Variants in PCDHGA7 observed in about 807,000 individuals in gnomAD.
PCDHGA7 encodes the protein protocadherin gamma-A7.
In PCDHGA7, 44 loss-of-function variants were observed where a neutral mutation model predicts 58.3. The observed-to-expected ratio is 0.75, with a 90% confidence interval of 0.59 to 0.97. The LOEUF (loss-of-function observed/expected upper bound fraction) is 0.97. Ranked by LOEUF, PCDHGA7 falls within the 50% of genes least tolerant of loss-of-function variation. The pLI is 0.00. For synonymous variants in PCDHGA7, 516 were observed against 504.2 expected (o/e 1.02, Z -0.31); for missense variants, 1,266 against 1,188.7 (o/e 1.06, Z -0.96).
At chr5:141,405,186 G>T (rs762537440) in intron 1 of PCDHGA7, 2 of 1,612,892 alleles carry the variant, frequency 1.2e-6, no homozygotes, top group Non-Finnish European at 1.7e-6. Context: ...GGTGTAGATG[G>T]GGTTCGAGCT....
At chr5:141,482,761 ATT>A (rs2099571906) in intron 1 of PCDHGA7, among the ~76,000 whole-genome samples, 1 of 127,370 alleles carries the variant, frequency 7.9e-6, no homozygotes, top group Admixed American at 7.7e-5. Flanking sequence ...ATGGTATTTC[ATT>A]ATCACTGAAC....
intron 2 of PCDHGA7, among the ~76,000 whole-genome samples, chr5:141,504,059 T>C (rs1179226175): frequency 6.6e-6 from 1 of 152,184 alleles, no homozygotes; most frequent in Admixed American, 6.6e-5. Flanking sequence ...ATTGAAAAAC[T>C]TCTCTGAGCC....
intron 1 of PCDHGA7, chr5:141,393,663 AT>A (rs1334579066): frequency 6.2e-7 from 1 of 1,613,820 alleles, no homozygotes; most frequent in East Asian, 2.2e-5. Flanking sequence ...ATTCCGGAAA[AT>A]TAATGAAAAA....
chr5:141,415,819 T>C, intron 1 of PCDHGA7: 1 of 1,328,322 alleles, frequency 7.5e-7, no homozygotes, highest in Admixed American at 3.5e-5. Context: ...CTATATATCA[T>C]AAGGCTTTGT....
chr5:141,383,710 G>C lies in PCDHGA7; in HGVS notation c.811G>C (p.Glu271Gln), dbSNP rs1388027066. ...LLTVHAIDLDEGVNGEVTYSF... is the reference protein window; with the variant it reads ...LLTVHAIDLDQGVNGEVTYSF... ...CACGGTACATGCTATCGACCTGGAC[G>C]AGGGAGTCAATGGGGAAGTGACATA... Residue 271 changes from glutamate (E) to glutamine (Q), a missense_variant, in exon 1 of 4, where the codon GAG (glutamate) becomes CAG (glutamine). Glu to Gln is a conservative substitution (Grantham distance 29, BLOSUM62 2). Coordinates refer to ENST00000518325, the MANE Select transcript of PCDHGA7 (RefSeq NM_018920.4). 1 of 1,613,992 alleles carries C rather than the reference G, an allele frequency of 6.2e-7. No homozygotes were observed.
In PCDHGA7 at chr5:141,432,167, T is replaced by G. The variant is rs559707772; in HGVS notation, c.2424+46844T>G. The G allele has an allele frequency of 1.4e-5, 22 of 1,613,962 alleles. No homozygotes were observed. The highest frequency in any genetic ancestry group is 9.3e-5 in the African/African-American group (7 of 74,972). On this transcript the variant is annotated intron_variant, in intron 1 of 3. Coordinates refer to ENST00000518325, the MANE Select transcript of PCDHGA7 (RefSeq NM_018920.4). The surrounding 1 kb of genome is among the most constrained non-coding windows in gnomAD (Gnocchi z 6.0). Reference sequence around the variant, plus strand: ...CCCAGAGAACAATCCCAGAGGAGTTTCCCTCGTCTCTGTGACCGCCCACGA... The same window carrying G: ...CCCAGAGAACAATCCCAGAGGAGTTGCCCTCGTCTCTGTGACCGCCCACGA...
At chr5:141,398,343 G>A (rs1393305647) in intron 1 of PCDHGA7, 6 of 1,380,544 alleles carry the variant, frequency 4.3e-6, no homozygotes, top group Non-Finnish European at 6.0e-6. Context: ...GTTCGGAGAA[G>A]CCTTACTTCA....
intron 1 of PCDHGA7, chr5:141,422,314 C>T: frequency 6.5e-7 from 1 of 1,547,838 alleles, no homozygotes; most frequent in Non-Finnish European, 8.7e-7. Context: ...AAACTCTCCT[C>T]CAGGTACAGT....
chr5:141,422,677 C>G, intron 1 of PCDHGA7: 1 of 1,606,186 alleles, frequency 6.2e-7, no homozygotes, highest in Non-Finnish European at 8.5e-7. Context: ...GGACAGCAAA[C>G]AGAATGCCCT....
intron 1 of PCDHGA7, among the ~76,000 whole-genome samples, chr5:141,459,324 T>G (rs2098966238): frequency 6.6e-6 from 1 of 152,226 alleles, no homozygotes; most frequent in African/African-American, 2.4e-5. Flanking sequence ...ATCCATCTTC[T>G]TTTACTCCAA....
rs186638311 is a variant in PCDHGA7, at chr5:141,492,901, T to C, written c.2425-1906T>C. 3.7e-3 allele frequency among the ~76,000 whole-genome samples: 568 copies of C among 152,326 alleles called. 5 individuals carry two copies. The highest frequency in any genetic ancestry group is 0.011 in the Admixed American group (163 of 15,308). On this transcript the variant is annotated intron_variant, in intron 1 of 3. Coordinates refer to ENST00000518325, the MANE Select transcript of PCDHGA7 (RefSeq NM_018920.4). ...GAGATACAGGCTTTTGGCGCCGTCG[T>C]GATCACAATGTGCCCAGCGATCTAG...
In PCDHGA7 at chr5:141,486,421, G is replaced by C; in HGVS notation, c.2425-8386G>C. 1 of 1,614,152 alleles carries C rather than the reference G, an allele frequency of 6.2e-7. No individual in the cohort carries two copies. Among genetic ancestry groups the C allele is most frequent in the African/African-American group, 1.3e-5 (1 of 75,028 alleles). On this transcript the variant is annotated intron_variant, in intron 1 of 3. Coordinates refer to ENST00000518325, the MANE Select transcript of PCDHGA7 (RefSeq NM_018920.4). This position sits in a 1 kb window ranked among gnomAD's most constrained non-coding sequence, Gnocchi z 5.0. Reference sequence around the variant, plus strand: ...TGACTGCTGGACCCTTGGATCGAGAGGCCAAATCTAGCTATGACATCATGG... The same window carrying C: ...TGACTGCTGGACCCTTGGATCGAGACGCCAAATCTAGCTATGACATCATGG...
At chr5:141,407,622 A>G (rs2094961891) in intron 1 of PCDHGA7, among the ~76,000 whole-genome samples, 3 of 152,316 alleles carry the variant, frequency 2.0e-5, no homozygotes, top group South Asian at 2.1e-4. Context: ...TTGACATTCT[A>G]TATCTCGTAT....
At chr5:141,389,463 GA>G in intron 1 of PCDHGA7, 1 of 1,613,310 alleles carries the variant, frequency 6.2e-7, no homozygotes, top group Non-Finnish European at 8.5e-7. Context: ...GCGCGCCTTC[GA>G]ACTCACACTG....
intron 1 of PCDHGA7, chr5:141,394,519 C>T: frequency 6.2e-7 from 1 of 1,614,240 alleles, no homozygotes; most frequent in Non-Finnish European, 8.5e-7. Flanking sequence ...GCCCTCCCCA[C>T]AGACGGTTCC....
At chr5:141,510,404 G>T (rs1596286932) in intron 3 of PCDHGA7, among the ~76,000 whole-genome samples, 2 of 152,252 alleles carry the variant, frequency 1.3e-5, no homozygotes, top group East Asian at 3.9e-4. Context: ...AAAGGCTAGG[G>T]GCATGTAAAG....
In PCDHGA7 at chr5:141,383,493, G is replaced by T; in HGVS notation, c.594G>T (p.Arg198=). Residue 198 remains arginine, a synonymous_variant, in exon 1 of 4, where the codon CGG becomes CGT. Transcript: ENST00000518325. ...AGTACCCGGAACTGGTGCTGGAGCGGGTGCTGGACCGGGAGGAAGAGCGGG... is the reference window on the plus strand; with the variant it reads ...AGTACCCGGAACTGGTGCTGGAGCGTGTGCTGGACCGGGAGGAAGAGCGGG... ...ETKYPELVLE[R]VLDREEERVH... The T allele has an allele frequency of 1.2e-6, 2 of 1,613,270 alleles. No homozygotes were observed. The highest frequency in any genetic ancestry group is 1.7e-6 in the Non-Finnish European group (2 of 1,179,596).
chr5:141,468,845 A>G (rs1426852752), intron 1 of PCDHGA7, among the ~76,000 whole-genome samples: 3 of 152,150 alleles, frequency 2.0e-5, no homozygotes, highest in Non-Finnish European at 2.9e-5. Flanking sequence ...CAGCCTGGGC[A>G]ACAGAGCGAG....
intron 1 of PCDHGA7, chr5:141,427,747 C>A (rs2097063869): frequency 1.6e-6 from 2 of 1,277,502 alleles, no homozygotes; most frequent in Non-Finnish European, 2.2e-6. Flanking sequence ...GTCTCCTACT[C>A]CATCGTTACC....
Sources: allele counts gnomAD v4.1 joint callset (sites outside exome capture counted in the v4.1 genomes callset), GRCh38; gene constraint gnomAD v4.1.1; non-coding constraint Gnocchi (gnomAD v3.1); transcripts MANE v1.5; gene names NCBI Gene and HGNC (gene_info 2026-07-23, HGNC 2026-07-21).